The following YEATS2 variants were observed in gnomAD, a reference collection of about 807,000 sequenced individuals.
YEATS2 encodes YEATS domain-containing protein 2.
Under a neutral mutation model 163.2 loss-of-function variants are expected in YEATS2, and 77 were observed. That is an observed-to-expected ratio of 0.47 (90% CI 0.39 to 0.57). The LOEUF (loss-of-function observed/expected upper bound fraction) is 0.57. YEATS2 is among the 20% of genes least tolerant of loss of function. YEATS2 has a pLI of 0.00. For missense variants in YEATS2, 1,549 were observed against 1,729.8 expected (o/e 0.90, Z 1.85); for synonymous variants, 631 against 645.1 (o/e 0.98, Z 0.33).
chr3:183,723,395 T>A (rs1343174443), intron 5 of YEATS2, among the ~76,000 whole-genome samples: 1 of 152,254 alleles, frequency 6.6e-6, no homozygotes, highest in Non-Finnish European at 1.5e-5. Context: ...AAGGGTTTGA[T>A]TTATTTTTGA....
chr3:183,764,580 C>T (rs1047739817), intron 15 of YEATS2, among the ~76,000 whole-genome samples: 6 of 152,108 alleles, frequency 3.9e-5, no homozygotes, highest in Admixed American at 3.3e-4. Flanking sequence ...GAGGTCAAGG[C>T]GGGTGGATCG....
Position 183,722,278 on chromosome 3 carries a change from C to CTTTTTTTTTTTTTTTTTTTTTTT in YEATS2, c.537+148_537+170dup, listed in dbSNP as rs200048624. On this transcript the variant is annotated intron_variant, in intron 5 of 30. Coordinates refer to ENST00000305135, the MANE Select transcript of YEATS2 (RefSeq NM_018023.5). ...TCCTTTTATAATGGGGAAACCAAAT[C>CTTTTTTTTTTTTTTTTTTTTTTT]TTTTTTTTTTTTTTTTTTTTTTTTT... 4 of 289,402 alleles carry CTTTTTTTTTTTTTTTTTTTTTTT rather than the reference C, an allele frequency of 1.4e-5. 1 individual carries two copies. The African/African-American group carries it at 1.8e-4, about 13-fold the overall frequency. 17.9% of individuals were successfully genotyped at this position (289,402 alleles called of 1,614,324 possible).
At chr3:183,707,457 T>A (rs1714727232) in intron 1 of YEATS2, among the ~76,000 whole-genome samples, 1 of 152,220 alleles carries the variant, frequency 6.6e-6, no homozygotes, top group Admixed American at 6.5e-5. Context: ...TTTTGAGACA[T>A]TTTTGAAATG....
intron 15 of YEATS2, among the ~76,000 whole-genome samples, chr3:183,762,644 C>CATAAA (rs1265830908): frequency 1.3e-5 from 2 of 151,288 alleles, no homozygotes; most frequent in Non-Finnish European, 2.9e-5. Flanking sequence ...GTAGTTTATA[C>CATAAA]CTCTGATGTT....
At chr3:183,737,976 T>A (rs1483580948) in intron 8 of YEATS2, among the ~76,000 whole-genome samples, 1 of 152,196 alleles carries the variant, frequency 6.6e-6, no homozygotes, top group Non-Finnish European at 1.5e-5. Context: ...TTTTGGTAAT[T>A]CCTGAAATAT....
intron 10 of YEATS2, among the ~76,000 whole-genome samples, chr3:183,752,708 C>CAAA (rs1269458468): frequency 1.3e-4 from 8 of 59,856 alleles, no homozygotes; most frequent in African/African-American, 4.9e-4. Context: ...GACTCCATCT[C>CAAA]AAAAAAAAAA....
Position 183,772,503 on chromosome 3 carries a change from A to G in YEATS2, c.2146A>G (p.Thr716Ala). ...AACCATTGTTGCTCAGCCAGTGCAGACCTTAACCAAGGCCCAGGTTACTGC... is the reference window on the plus strand; with the variant it reads ...AACCATTGTTGCTCAGCCAGTGCAGGCCTTAACCAAGGCCCAGGTTACTGC... ...GGTIVAQPVQ[T>A]LTKAQVTAAG... The change falls in exon 16 of 31, where the codon ACC becomes GCC. Residue 716 changes from threonine (T) to alanine (A), a missense_variant. Coordinates refer to ENST00000305135, the MANE Select transcript of YEATS2 (RefSeq NM_018023.5). 1 of 1,614,142 alleles carries G rather than the reference A, an allele frequency of 6.2e-7. No individual in the cohort carries two copies. The highest frequency in any genetic ancestry group is 2.2e-5 in the East Asian group (1 of 44,886).
At chr3:183,717,877 TTA>T in intron 3 of YEATS2, 129 bp downstream of exon 3, 5 of 439,196 alleles carry the variant, frequency 1.1e-5, no homozygotes, top group East Asian at 3.7e-5. Flanking sequence ...TTTTTTTTTT[TTA>T]AATAGCTTTC....
rs869091775 is a variant in YEATS2 at position 183,730,052 on chromosome 3, G to GTTTTTTTTTTT, written c.812+1226_812+1236dup. Among the ~76,000 whole-genome samples the GTTTTTTTTTTT allele has an allele frequency of 4.6e-3, 191 of 41,718 alleles. 31 individuals carry two copies. Among genetic ancestry groups the GTTTTTTTTTTT allele is most frequent in the Non-Finnish European group, 6.8e-3 (156 of 22,812 alleles). 27.4% of individuals were successfully genotyped at this position (41,718 alleles called of 152,430 possible). A position where few individuals can be genotyped will look rare whatever the true frequency, so the allele number is the denominator to read the frequency against. On this transcript the variant is annotated intron_variant, in intron 7 of 30. Coordinates refer to ENST00000305135, the MANE Select transcript of YEATS2 (RefSeq NM_018023.5). ...ATATTAATTGTGTGGTTTTTTGTTT[G>GTTTTTTTTTTT]TTTTTTTTTTTTTTTTTTTTTTTTT...
intron 20 of YEATS2, 113 bp downstream of exon 20, chr3:183,786,414 C>CA: frequency 3.6e-6 from 3 of 828,014 alleles, no homozygotes; most frequent in Non-Finnish European, 5.2e-6. Context: ...TCAACTATTG[C>CA]TTTTTTTTTT....
chr3:183,718,149 T>C (rs1169131667), intron 3 of YEATS2, among the ~76,000 whole-genome samples: 2 of 152,266 alleles, frequency 1.3e-5, no homozygotes, highest in Non-Finnish European at 2.9e-5. Context: ...TGTATGCCTC[T>C]ATCAGAATAT....
At chr3:183,768,866 G>A (rs1033207257) in intron 15 of YEATS2, among the ~76,000 whole-genome samples, 1 of 152,184 alleles carries the variant, frequency 6.6e-6, no homozygotes, top group Admixed American at 6.5e-5. Flanking sequence ...CAGCTACTCA[G>A]GAGGCAAAGG....
intron 30 of YEATS2, 132 bp downstream of exon 30, chr3:183,809,302 C>T: frequency 1.2e-6 from 1 of 869,046 alleles, no homozygotes; most frequent in Non-Finnish European, 1.9e-6. Context: ...ACTCTTAGAG[C>T]CAGATGAGCT....
At chr3:183,777,841 G>A (rs754763298) in intron 19 of YEATS2, 141 bp downstream of exon 19, 13 of 1,224,696 alleles carry the variant, frequency 1.1e-5, no homozygotes, top group East Asian at 8.1e-5. Flanking sequence ...GGTCGCTCAC[G>A]TCTGTAATCC....
At chr3:183,725,920 G>A (rs1229702395) in intron 6 of YEATS2, among the ~76,000 whole-genome samples, 1 of 152,058 alleles carries the variant, frequency 6.6e-6, no homozygotes, top group African/African-American at 2.4e-5. Flanking sequence ...CTTACTTCAG[G>A]TCTTTTTCTG....
intron 19 of YEATS2, among the ~76,000 whole-genome samples, chr3:183,779,917 C>G (rs749461066): frequency 6.6e-6 from 1 of 151,470 alleles, no homozygotes; most frequent in Non-Finnish European, 1.5e-5. Context: ...AGGATGGTCT[C>G]GATCTCTTGA....
chr3:183,699,970 C>A (rs1198067929), intron 1 of YEATS2, among the ~76,000 whole-genome samples: 1 of 152,072 alleles, frequency 6.6e-6, no homozygotes. Flanking sequence ...AAAAAAAGTG[C>A]CCCATTTCCA....
rs1726744047 is a variant in YEATS2, at chr3:183,810,939, G to A, written c.*356G>A. On this transcript the variant is annotated 3_prime_UTR_variant, in exon 31 of 31. Transcript: ENST00000305135. Reference sequence around the variant, plus strand: ...CTCCTTGGGCCCGCCTCCCCAGGAGGTAGAAAATGAGTGGCAGGCTAGAGA... The same window carrying A: ...CTCCTTGGGCCCGCCTCCCCAGGAGATAGAAAATGAGTGGCAGGCTAGAGA... 1 of 212,568 alleles carries A rather than the reference G, an allele frequency of 4.7e-6. No homozygotes were observed. The highest frequency in any genetic ancestry group is 9.5e-6 in the Non-Finnish European group (1 of 105,382). The allele number at this position is 212,568 out of a possible 1,614,324, so 13.2% of individuals were successfully genotyped here. A position where few individuals can be genotyped will look rare whatever the true frequency, so the allele number is the denominator to read the frequency against.
At chr3:183,777,230 A>G (rs1291131606) in intron 18 of YEATS2, among the ~76,000 whole-genome samples, 1 of 152,210 alleles carries the variant, frequency 6.6e-6, no homozygotes, top group Non-Finnish European at 1.5e-5. Context: ...TTTTGGTTCC[A>G]GATGTTCTTA....
Sources: gnomAD v4.1 joint callset for allele counts (sites outside exome capture counted in the v4.1 genomes callset) on GRCh38, gnomAD v4.1.1 for gene constraint, MANE v1.5 for transcripts, NCBI Gene and HGNC (gene_info 2026-07-23, HGNC 2026-07-21) for gene names.